The following TSPAN9 variants were observed in gnomAD, a reference collection of about 807,000 sequenced individuals.
TSPAN9 encodes the protein tetraspanin-9.
A neutral mutation model predicts 31.0 loss-of-function variants in TSPAN9; 16 were observed. That is an observed-to-expected ratio of 0.52 (90% CI 0.35 to 0.78). TSPAN9 has a LOEUF of 0.78. Among genes scored for constraint, TSPAN9 ranks in the 30% least tolerant of loss-of-function variants. TSPAN9 has a pLI of 0.01. For synonymous variants in TSPAN9, 145 were observed against 121.6 expected, an observed-to-expected ratio of 1.19 and a Z score of -1.27; for missense variants, 272 against 312.5, an observed-to-expected ratio of 0.87 and a Z score of 0.98.
intron 2 of TSPAN9, among the ~76,000 whole-genome samples, chr12:3,089,321 A>AG (rs1238849561): frequency 7.2e-6 from 1 of 138,378 alleles, no homozygotes; most frequent in Non-Finnish European, 1.5e-5. Context: ...TTTTTGAGAC[A>AG]AGTCTTGTTC....
chr12:3,178,241 C>T (rs1411777930), intron 2 of TSPAN9, among the ~76,000 whole-genome samples: 2 of 151,892 alleles, frequency 1.3e-5, no homozygotes, highest in African/African-American at 4.8e-5. Context: ...ATTTGCATTT[C>T]TGTCTTCAGC....
chr12:3,202,013 G>T (rs748243632), intron 3 of TSPAN9, among the ~76,000 whole-genome samples: 9 of 152,240 alleles, frequency 5.9e-5, no homozygotes, highest in Non-Finnish European at 7.3e-5. Flanking sequence ...GACAAGCAGG[G>T]TGCCCCTGTC....
chr12:3,250,113 G>A (rs555519457), intron 3 of TSPAN9, among the ~76,000 whole-genome samples: 24 of 152,218 alleles, frequency 1.6e-4, no homozygotes, highest in African/African-American at 4.6e-4. Flanking sequence ...GGTCAGAAGC[G>A]TCCAGTGCCC....
At position 3,192,578 on chromosome 12, in the gene TSPAN9, C is replaced by T. The variant is rs1178731112; in HGVS notation, c.-17-8599C>T. On this transcript the variant is annotated intron_variant, in intron 2 of 8. Coordinates refer to ENST00000011898, the MANE Select transcript of TSPAN9 (RefSeq NM_006675.5). The surrounding 1 kb of genome is among the most constrained non-coding windows in gnomAD (Gnocchi z 4.6). Reference sequence around the variant, plus strand: ...GAGCGGATAGTGCCAGGGAGCACATCCGGGGCAAGGTCAGTCCCTCCTGGA... The same window carrying T: ...GAGCGGATAGTGCCAGGGAGCACATTCGGGGCAAGGTCAGTCCCTCCTGGA... 6.6e-6 allele frequency among the ~76,000 whole-genome samples: 1 copy of T among 152,032 alleles called. No individual in the cohort carries two copies. The highest frequency in any genetic ancestry group is 6.6e-5 in the Admixed American group (1 of 15,262).
intron 3 of TSPAN9, among the ~76,000 whole-genome samples, chr12:3,264,668 AC>A (rs1259527542): frequency 6.6e-6 from 1 of 152,200 alleles, no homozygotes; most frequent in Admixed American, 6.5e-5. Flanking sequence ...CTCCCGACTC[AC>A]GGCTGGCCTC....
At chr12:3,261,943 C>T (rs1198033452) in intron 3 of TSPAN9, among the ~76,000 whole-genome samples, 1 of 152,214 alleles carries the variant, frequency 6.6e-6, no homozygotes, top group East Asian at 1.9e-4. Context: ...ACTTGGTGAC[C>T]CGCTTTTTGC....
At chr12:3,169,332 CAG>C (rs2098350444) in intron 2 of TSPAN9, among the ~76,000 whole-genome samples, 1 of 152,278 alleles carries the variant, frequency 6.6e-6, no homozygotes, top group Admixed American at 6.5e-5. Flanking sequence ...GAAGTCAGGG[CAG>C]AGAGAGGGAG....
chr12:3,090,777 AATAATGAGGAATAGACCGCAGAG>A (rs11271387), intron 2 of TSPAN9, among the ~76,000 whole-genome samples: 51,849 of 151,538 alleles, frequency 0.34, 10,558 homozygotes, highest in East Asian at 0.57. Context: ...GGTAATGAGG[AATAATGAGGAATAGACCGCAGAG>A]ATAATGAGGA....
At chr12:3,094,847 C>CTTTTTTT (rs61154605) in intron 2 of TSPAN9, among the ~76,000 whole-genome samples, 2 of 101,926 alleles carry the variant, frequency 2.0e-5, no homozygotes, top group East Asian at 2.7e-4. Flanking sequence ...AATCAATAAT[C>CTTTTTTT]TTTTTTTTTT....
At chr12:3,268,441 CGTGCGTTCCTGCAGCCTGCCCTCT>C (rs1862585257) in intron 3 of TSPAN9, among the ~76,000 whole-genome samples, 9 of 46,190 alleles carry the variant, frequency 1.9e-4, no homozygotes, top group African/African-American at 2.7e-4. Context: ...GCCTGCCCTC[CGTGCGTTCCTGCAGCCTGCCCTCT>C]GTGCGTTCCT....
chr12:3,248,223 G>GC (rs1437173064), intron 3 of TSPAN9, among the ~76,000 whole-genome samples: 2 of 152,046 alleles, frequency 1.3e-5, no homozygotes, highest in East Asian at 1.9e-4. Context: ...AGGTGCTGTG[G>GC]CCCCCCTAGG....
At chr12:3,256,041 C>T (rs1451138916) in intron 3 of TSPAN9, among the ~76,000 whole-genome samples, 1 of 152,146 alleles carries the variant, frequency 6.6e-6, no homozygotes, top group Non-Finnish European at 1.5e-5. Context: ...GTGGAGGTAC[C>T]TCCTGCACCC....
intron 2 of TSPAN9, among the ~76,000 whole-genome samples, chr12:3,103,102 T>C (rs1377049150): frequency 1.3e-5 from 2 of 152,210 alleles, no homozygotes; most frequent in Non-Finnish European, 2.9e-5. Flanking sequence ...CCAGTCAGCG[T>C]TGACCAAGTA....
intron 2 of TSPAN9, among the ~76,000 whole-genome samples, chr12:3,152,649 G>C (rs573852227): frequency 6.6e-6 from 1 of 151,978 alleles, no homozygotes. Flanking sequence ...GCAGTGGCGC[G>C]ATCTTGGCTC....
intron 2 of TSPAN9, among the ~76,000 whole-genome samples, chr12:3,093,527 T>C (rs1000408324): frequency 1.3e-5 from 2 of 152,182 alleles, no homozygotes; most frequent in African/African-American, 4.8e-5. Context: ...GACTACCTCA[T>C]GCCACCTCCA....
chr12:3,118,552 C>T (rs558370605), intron 2 of TSPAN9, among the ~76,000 whole-genome samples: 8 of 152,066 alleles, frequency 5.3e-5, no homozygotes, highest in African/African-American at 9.6e-5. Context: ...TGAGCCACCG[C>T]TCCTGGCCAG....
chr12:3,197,083 G>A (rs574102287), intron 2 of TSPAN9, among the ~76,000 whole-genome samples: 1 of 152,244 alleles, frequency 6.6e-6, no homozygotes, highest in East Asian at 1.9e-4. Flanking sequence ...CTGACTTTAT[G>A]CTTGTAACAC....
intron 2 of TSPAN9, among the ~76,000 whole-genome samples, chr12:3,140,612 C>T (rs1017833767): frequency 5.3e-5 from 8 of 151,634 alleles, no homozygotes; most frequent in Admixed American, 3.3e-4. Context: ...GTTTGGGGTT[C>T]GATGATGAAT....
intron 2 of TSPAN9, among the ~76,000 whole-genome samples, chr12:3,158,662 C>G (rs2098343543): frequency 7.5e-6 from 1 of 132,670 alleles, no homozygotes; most frequent in Non-Finnish European, 1.5e-5. Flanking sequence ...GCAGAGGTTG[C>G]AGTGAGCCGA....
Sources: allele counts gnomAD v4.1 joint callset (sites outside exome capture counted in the v4.1 genomes callset), GRCh38; gene constraint gnomAD v4.1.1; non-coding constraint Gnocchi (gnomAD v3.1); transcripts MANE v1.5; gene names NCBI Gene and HGNC (gene_info 2026-07-23, HGNC 2026-07-21).